The following KANSL1 variants were observed in gnomAD, a reference collection of about 807,000 sequenced individuals.
KANSL1 encodes MLL1/MLL complex subunit KANSL1.
KANSL1 carries 22 observed loss-of-function variants against 103.6 expected under a neutral mutation model. The observed-to-expected ratio is 0.21, with a 90% confidence interval of 0.15 to 0.30. KANSL1 has a LOEUF of 0.30. Ranked by LOEUF, KANSL1 falls within the 10% of genes least tolerant of loss-of-function variation. The pLI is 1.00. For synonymous variants in KANSL1, 600 were observed against 527.6 expected, an observed-to-expected ratio of 1.14 and a Z score of -1.88; for missense variants, 1,337 against 1,399.8, an observed-to-expected ratio of 0.96 and a Z score of 0.72.
At chr17:46,199,590 C>A (rs2047727070) in intron 1 of KANSL1, among the ~76,000 whole-genome samples, 1 of 152,202 alleles carries the variant, frequency 6.6e-6, no homozygotes, top group Non-Finnish European at 1.5e-5. Context: ...TCATTTCAAT[C>A]CAACCTAACA....
chr17:46,096,314 T>TC (rs199855346), intron 2 of KANSL1, among the ~76,000 whole-genome samples: 25 of 74,624 alleles, frequency 3.4e-4, no homozygotes, highest in South Asian at 7.0e-4. Flanking sequence ...TTTTTTTCTT[T>TC]TTTTTTTTTT....
chr17:46,196,287 T>A, upstream of KANSL1: 2 of 447,162 alleles, frequency 4.5e-6, no homozygotes, highest in Non-Finnish European at 8.9e-6. Flanking sequence ...CAAATCACTC[T>A]TGGAATAGTC....
chr17:46,197,244 C>T (rs1313661153), upstream of KANSL1, among the ~76,000 whole-genome samples: 2 of 152,244 alleles, frequency 1.3e-5, no homozygotes, highest in Non-Finnish European at 2.9e-5. Context: ...AGGACCATCC[C>T]TCATTACCAC....
At chr17:46,034,545 C>T (rs918155776) in intron 10 of KANSL1, 69 of 389,412 alleles carry the variant, frequency 1.8e-4, no homozygotes, top group African/African-American at 3.0e-4. Context: ...AGGGCTCATG[C>T]GTAAATTTCA....
chr17:46,163,689 C>T (rs1285191572), intron 2 of KANSL1, among the ~76,000 whole-genome samples: 1 of 152,228 alleles, frequency 6.6e-6, no homozygotes, highest in Non-Finnish European at 1.5e-5. Flanking sequence ...GTCAGCCAGG[C>T]TTAAAACTTC....
At chr17:46,052,852 C>T (rs1272456474) in intron 6 of KANSL1, among the ~76,000 whole-genome samples, 1 of 147,306 alleles carries the variant, frequency 6.8e-6, no homozygotes, top group Non-Finnish European at 1.5e-5. Flanking sequence ...TTAGTCCCAG[C>T]TACTCAGGAG....
chr17:46,080,042 AAAAAG>A (rs1206764578), intron 4 of KANSL1, among the ~76,000 whole-genome samples: 1 of 152,110 alleles, frequency 6.6e-6, no homozygotes, highest in African/African-American at 2.4e-5. Flanking sequence ...AGAGAGAAAG[AAAAAG>A]AAAAGAATTA....
chr17:46,031,920 T>C, intron 14 of KANSL1, 127 bp downstream of exon 14: 2 of 1,350,890 alleles, frequency 1.5e-6, no homozygotes, highest in Non-Finnish European at 2.1e-6. Flanking sequence ...AGGAGATCAA[T>C]TTAAGTGCAG....
intron 2 of KANSL1, among the ~76,000 whole-genome samples, chr17:46,149,528 C>T (rs1197473487): frequency 6.6e-6 from 1 of 152,264 alleles, no homozygotes; most frequent in Non-Finnish European, 1.5e-5. Context: ...CATTATAGTA[C>T]TAAAGCAGCC....
intron 2 of KANSL1, among the ~76,000 whole-genome samples, chr17:46,142,148 T>A (rs1458549481): frequency 6.6e-6 from 1 of 152,234 alleles, no homozygotes; most frequent in African/African-American, 2.4e-5. Flanking sequence ...TTTAAAATTC[T>A]CCTATTAGTG....
chr17:46,160,478 G>A (rs1434909734), intron 2 of KANSL1, among the ~76,000 whole-genome samples: 2 of 152,074 alleles, frequency 1.3e-5, no homozygotes, highest in Non-Finnish European at 2.9e-5. Flanking sequence ...TTTTTTTGTA[G>A]AGAAGGGGTT....
intron 4 of KANSL1, among the ~76,000 whole-genome samples, chr17:46,076,311 A>G (rs1014688079): frequency 6.6e-6 from 1 of 151,836 alleles, no homozygotes; most frequent in Non-Finnish European, 1.5e-5. Flanking sequence ...CCTGGCCAAC[A>G]TGGTGAAACC....
At chr17:46,133,534 TAAGTG>T (rs1431129350) in intron 2 of KANSL1, among the ~76,000 whole-genome samples, 2 of 152,178 alleles carry the variant, frequency 1.3e-5, no homozygotes, top group Admixed American at 6.5e-5. Context: ...TGCAACCACA[TAAGTG>T]AAAGAAAATT....
intron 7 of KANSL1, chr17:46,043,904 T>C (rs937617089): frequency 3.3e-5 from 5 of 152,136 alleles, no homozygotes; most frequent in Admixed American, 2.6e-4. Flanking sequence ...CTCCAGCTGC[T>C]AGACTTTGTT....
chr17:46,078,698 T>C (rs945306733), intron 4 of KANSL1, among the ~76,000 whole-genome samples: 5 of 152,262 alleles, frequency 3.3e-5, no homozygotes, highest in Non-Finnish European at 5.9e-5. Context: ...CCTAGTAATA[T>C]GCACAGGTTC....
intron 1 of KANSL1, among the ~76,000 whole-genome samples, chr17:46,216,275 C>G (rs2048335324): frequency 6.6e-6 from 1 of 152,124 alleles, no homozygotes; most frequent in Non-Finnish European, 1.5e-5. Flanking sequence ...AAGGCAAATA[C>G]TAATGTTTTT....
At chr17:46,100,355 T>TG (rs2042255211) in intron 2 of KANSL1, among the ~76,000 whole-genome samples, 1 of 150,592 alleles carries the variant, frequency 6.6e-6, no homozygotes. Context: ...GAGAATTGCT[T>TG]GAATCCAGGA....
In KANSL1 at chr17:46,066,879, A is replaced by C. The variant is rs566946873; in HGVS notation, c.1653-147T>G. 2.3e-5 allele frequency: 14 copies of C among 620,304 alleles called. 1 individual carries two copies. The South Asian group carries it at 2.9e-4, about 13-fold the overall frequency. The allele number at this position is 620,304 out of a possible 1,614,324, so 38.4% of individuals were successfully genotyped here. A position where few individuals can be genotyped will look rare whatever the true frequency, so the allele number is the denominator to read the frequency against. ...GACACAAAGAAGCATTCTAGAGCAGAAGCAGGTCTCCTCTTGATGTCTGTT... is the reference window on the plus strand; with the variant it reads ...GACACAAAGAAGCATTCTAGAGCAGCAGCAGGTCTCCTCTTGATGTCTGTT... On this transcript the variant is annotated intron_variant, in intron 5 of 14. Transcript: ENST00000432791.
At chr17:46,106,784 T>G (rs563791065) in intron 2 of KANSL1, among the ~76,000 whole-genome samples, 2 of 152,294 alleles carry the variant, frequency 1.3e-5, no homozygotes, top group East Asian at 3.9e-4. Context: ...AAAATTAATT[T>G]GTTAATAAAC....
Sources: gnomAD v4.1 joint callset for allele counts (sites outside exome capture counted in the v4.1 genomes callset) on GRCh38, gnomAD v4.1.1 for gene constraint, MANE v1.5 for transcripts, NCBI Gene and HGNC (gene_info 2026-07-23, HGNC 2026-07-21) for gene names.